KDM3B: variants seen among roughly 807,000 people sequenced by gnomAD.
KDM3B encodes the protein lysine demethylase 3B, also known as lysine-specific demethylase 3B.
A neutral mutation model predicts 170.0 loss-of-function variants in KDM3B; 10 were observed. The observed-to-expected ratio is 0.06, with a 90% CI of 0.04 to 0.10. The LOEUF (loss-of-function observed/expected upper bound fraction) is 0.10. Ranked by LOEUF, KDM3B falls within the 10% of genes least tolerant of loss-of-function variation. The pLI, the probability that KDM3B is intolerant of heterozygous loss-of-function variation, is 1.00. For synonymous variants in KDM3B, 831 were observed against 834.8 expected (o/e 1.00, Z 0.08); for missense variants, 1,394 against 2,195.2 (o/e 0.64, Z 7.29).
At chr5:138,388,035 T>C (rs1172450350) in intron 7 of KDM3B, among the ~76,000 whole-genome samples, 5 of 151,846 alleles carry the variant, frequency 3.3e-5, no homozygotes, top group South Asian at 2.1e-4. Context: ...GAGCCGAGAT[T>C]GTGCCACTGC....
intron 11 of KDM3B, among the ~76,000 whole-genome samples, chr5:138,410,311 T>A (rs1215249979): frequency 1.3e-5 from 2 of 152,096 alleles, no homozygotes; most frequent in African/African-American, 4.8e-5. Context: ...GTACTACATT[T>A]CAAGAATTAA....
chr5:138,401,762 T>G (rs1019283506), intron 11 of KDM3B, among the ~76,000 whole-genome samples: 7 of 152,224 alleles, frequency 4.6e-5, no homozygotes, highest in South Asian at 2.1e-4. Flanking sequence ...TGAGGGAATT[T>G]TCCACATTCT....
At chr5:138,435,296 G>A (rs1032317614) in intron 23 of KDM3B, among the ~76,000 whole-genome samples, 6 of 152,152 alleles carry the variant, frequency 3.9e-5, no homozygotes, top group Non-Finnish European at 7.3e-5. Context: ...TGTAAATTGG[G>A]CATGATAATA....
chr5:138,367,953 C>T (rs527950449), intron 1 of KDM3B, among the ~76,000 whole-genome samples: 1 of 151,578 alleles, frequency 6.6e-6, no homozygotes, highest in Non-Finnish European at 1.5e-5. Flanking sequence ...GTGGAGGTTG[C>T]AGTGAGCCGA....
chr5:138,365,232 A>G (rs983495610), intron 1 of KDM3B, among the ~76,000 whole-genome samples: 1 of 152,126 alleles, frequency 6.6e-6, no homozygotes, highest in African/African-American at 2.4e-5. Flanking sequence ...TCTCAAATAT[A>G]CTTTACATTC....
chr5:138,384,241 G>A (rs1350098851), intron 6 of KDM3B, among the ~76,000 whole-genome samples: 49 of 133,890 alleles, frequency 3.7e-4, no homozygotes, highest in Non-Finnish European at 6.4e-4. Context: ...GCAAGACTCC[G>A]ACTTAAAAAA....
At chr5:138,357,052 C>T (rs1761467867) in intron 1 of KDM3B, among the ~76,000 whole-genome samples, 1 of 151,972 alleles carries the variant, frequency 6.6e-6, no homozygotes, top group Admixed American at 6.6e-5. Context: ...CAGAGTCTTG[C>T]TCTGTCTCCC....
rs773707991 is a variant in KDM3B, at chr5:138,425,597, T to C, written c.4411+15T>C. ...GATCATATGCAGTAAGTAGCTTTCA[T>C]ATCTAGTTCAGTGATAGCAGACTGG... On this transcript the variant is annotated intron_variant, in intron 17 of 23. Transcript: ENST00000314358. The C allele has an allele frequency of 1.9e-6, 3 of 1,610,172 alleles. No individual in the cohort carries two copies. The highest frequency in any genetic ancestry group is 8.5e-7 in the Non-Finnish European group (1 of 1,177,224).
intron 12 of KDM3B, among the ~76,000 whole-genome samples, chr5:138,416,110 A>G (rs1763097103): frequency 6.6e-6 from 1 of 151,984 alleles, no homozygotes. Context: ...AGATATCTTG[A>G]ATCCATGAGG....
rs1054853260 is a variant in KDM3B at position 138,419,093 on chromosome 5, G to A, written c.3576G>A (p.Leu1192=). The A allele has an allele frequency of 6.2e-7, 1 of 1,614,210 alleles. No homozygotes were observed. Among genetic ancestry groups the A allele is most frequent in the Non-Finnish European group, 8.5e-7 (1 of 1,180,036 alleles). Residue 1192 remains leucine, a synonymous_variant, in exon 14 of 24, where the codon CTG becomes CTA. Transcript: ENST00000314358. ...CTGACATCAGATCTGAAGAGCCTCT[G>A]AAAACAGACAGTTCGGCATCAAATA... ...DSTDIRSEEP[L]KTDSSASNSN... is the part of the protein sequence containing the mutation.
Position 138,375,119 on chromosome 5 carries a change from G to A in KDM3B, c.387G>A (p.Leu129=), listed in dbSNP as rs761661078. ...ALTFTPLVDK[L]GLGSVVPVEY... is the part of the protein sequence containing the mutation. ...CTTTTACTCCCCTTGTAGATAAACT[G>A]GGTTTGGGTTCTGTGGTTCCAGTGG... is the stretch of plus-strand genomic sequence containing the variant. The change falls in exon 3 of 24, where the codon CTG becomes CTA. Residue 129 remains leucine, a synonymous_variant. Coordinates refer to ENST00000314358, the MANE Select transcript of KDM3B (RefSeq NM_016604.4). 1.2e-6 allele frequency: 2 copies of A among 1,612,314 alleles called. No individual in the cohort carries two copies. The highest frequency in any genetic ancestry group is 1.7e-5 in the Admixed American group (1 of 60,004).
chr5:138,390,744 A>G (rs946422206), intron 7 of KDM3B, among the ~76,000 whole-genome samples: 15 of 152,190 alleles, frequency 9.9e-5, no homozygotes, highest in East Asian at 1.9e-4. Flanking sequence ...GTGACGACCA[A>G]TTGGATAACA....
At chr5:138,354,867 G>A (rs1380163044) in intron 1 of KDM3B, among the ~76,000 whole-genome samples, 2 of 152,188 alleles carry the variant, frequency 1.3e-5, no homozygotes, top group African/African-American at 4.8e-5. Flanking sequence ...TATATCCAGG[G>A]ACATAGATGA....
At position 138,352,831 on chromosome 5, in the gene KDM3B, G is replaced by T; in HGVS notation, c.36G>T (p.Arg12=). The change falls in exon 1 of 24, where the codon CGG becomes CGT. Residue 12 remains arginine (R), a synonymous_variant. Coordinates refer to ENST00000314358, the MANE Select transcript of KDM3B (RefSeq NM_016604.4). ...ADAAASPVGK[R]LLLLFADTAA... is the part of the protein sequence containing the mutation. Reference sequence around the variant, plus strand: ...CGGCGGCCTCCCCGGTGGGCAAGCGGCTGCTGCTGCTGTTCGCGGACACTG... The same window carrying T: ...CGGCGGCCTCCCCGGTGGGCAAGCGTCTGCTGCTGCTGTTCGCGGACACTG... The T allele has an allele frequency of 7.4e-7, 1 of 1,344,244 alleles. No homozygotes were observed. Among genetic ancestry groups the T allele is most frequent in the African/African-American group, 1.5e-5 (1 of 65,288 alleles). The allele number at this position is 1,344,244 out of a possible 1,614,324, so 83.3% of individuals were successfully genotyped here.
intron 16 of KDM3B, 118 bp from the exon 17 acceptor site, chr5:138,425,293 C>T: frequency 1.2e-6 from 1 of 830,768 alleles, no homozygotes; most frequent in Non-Finnish European, 1.9e-6. Flanking sequence ...TAGGAAAGAA[C>T]AGTAGAGCTT....
At chr5:138,419,870 A>G (rs1763226653) in intron 14 of KDM3B, among the ~76,000 whole-genome samples, 1 of 151,310 alleles carries the variant, frequency 6.6e-6, no homozygotes, top group Non-Finnish European at 1.5e-5. Context: ...AATTTATACA[A>G]GGGGTTTTTT....
Position 138,423,944 on chromosome 5 carries a change from A to G in KDM3B, c.3973-131A>G, listed in dbSNP as rs142033780. On this transcript the variant is annotated intron_variant, in intron 15 of 23. Transcript: ENST00000314358. ...TATCCCCCTTCCAGTTGTAAAAGACATTTTAATAATTTTTGTAGAATTTAA... is the reference window on the plus strand; with the variant it reads ...TATCCCCCTTCCAGTTGTAAAAGACGTTTTAATAATTTTTGTAGAATTTAA... The G allele has an allele frequency of 7.8e-5, 64 of 816,776 alleles. No homozygotes were observed. In the African/African-American group the frequency reaches 1.1e-3, roughly 13 times the overall value. The allele number at this position is 816,776 out of a possible 1,614,324, so 50.6% of individuals were successfully genotyped here. A position where few individuals can be genotyped will look rare whatever the true frequency, so the allele number is the denominator to read the frequency against.
At chr5:138,369,347 A>G (rs1761819074) in intron 1 of KDM3B, among the ~76,000 whole-genome samples, 2 of 152,166 alleles carry the variant, frequency 1.3e-5, no homozygotes, top group Non-Finnish European at 2.9e-5. Context: ...GTACTCCTAC[A>G]TTCAGCCAGT....
chr5:138,368,228 T>C (rs1761790719), intron 1 of KDM3B, among the ~76,000 whole-genome samples: 1 of 151,192 alleles, frequency 6.6e-6, no homozygotes, highest in African/African-American at 2.4e-5. Context: ...CTTCTTTTTC[T>C]TTCTTTCTTT....
Sources: gnomAD v4.1 joint callset for allele counts (sites outside exome capture counted in the v4.1 genomes callset) on GRCh38, gnomAD v4.1.1 for gene constraint, MANE v1.5 for transcripts, NCBI Gene and HGNC (gene_info 2026-07-23, HGNC 2026-07-21) for gene names.